FNDC3B: variants seen among roughly 807,000 people sequenced by gnomAD.
FNDC3B encodes fibronectin type III domain-containing protein 3B.
FNDC3B carries 12 observed loss-of-function variants against 151.5 expected under a neutral mutation model. The observed-to-expected ratio is 0.08, with a 90% CI of 0.05 to 0.13. The LOEUF is 0.13. Among genes scored for constraint, FNDC3B ranks in the 10% least tolerant of loss-of-function variants. The probability of loss-of-function intolerance (pLI) is 1.00; values close to 1 mark genes in which losing one functional copy is unlikely to be tolerated. For missense variants in FNDC3B, 1,214 were observed against 1,505.3 expected, an observed-to-expected ratio of 0.81 and a Z score of 3.20; for synonymous variants, 528 against 549.0, an observed-to-expected ratio of 0.96 and a Z score of 0.54.
At chr3:172,376,327 G>C (rs974360256) in intron 23 of FNDC3B, among the ~76,000 whole-genome samples, 11 of 152,200 alleles carry the variant, frequency 7.2e-5, no homozygotes, top group Non-Finnish European at 1.3e-4. Flanking sequence ...AATTGGGTCT[G>C]GGTCCAAATA....
At chr3:172,371,730 G>A (rs550377808) in intron 23 of FNDC3B, among the ~76,000 whole-genome samples, 47 of 152,322 alleles carry the variant, frequency 3.1e-4, no homozygotes, top group African/African-American at 1.1e-3. Context: ...GGTGTTTGCA[G>A]CAACAGTTCT....
At chr3:172,336,218 T>A (rs1358422002) in intron 15 of FNDC3B, among the ~76,000 whole-genome samples, 1 of 152,230 alleles carries the variant, frequency 6.6e-6, no homozygotes, top group African/African-American at 2.4e-5. Flanking sequence ...TAAGATTTTT[T>A]AGAAAAATCT....
chr3:172,187,389 G>C (rs529146980), intron 3 of FNDC3B: 1 of 152,320 alleles, frequency 6.6e-6, no homozygotes, highest in East Asian at 1.9e-4. Context: ...CTTCTTGCCA[G>C]TAGGGGTGTC....
chr3:172,093,260 A>AT (rs750469529), intron 1 of FNDC3B, among the ~76,000 whole-genome samples: 2,282 of 138,482 alleles, frequency 0.016, 22 homozygotes, highest in Non-Finnish European at 0.025. Context: ...CACCCAGCTA[A>AT]TTTTTTTTTT....
intron 25 of FNDC3B, 143 bp downstream of exon 25, chr3:172,381,236 C>A: frequency 1.2e-6 from 1 of 864,332 alleles, no homozygotes; most frequent in Non-Finnish European, 1.7e-6. Flanking sequence ...TTGTATAATT[C>A]TTCAGAGTGG....
chr3:172,113,041 C>T (rs983756023), intron 2 of FNDC3B, among the ~76,000 whole-genome samples: 2 of 152,272 alleles, frequency 1.3e-5, no homozygotes, highest in Middle Eastern at 3.4e-3. Context: ...CTCATAAAAT[C>T]ACGGTACTTA....
At chr3:172,094,342 C>T (rs1269528684) in intron 1 of FNDC3B, among the ~76,000 whole-genome samples, 1 of 152,228 alleles carries the variant, frequency 6.6e-6, no homozygotes, top group Non-Finnish European at 1.5e-5. Flanking sequence ...CAAGCAACCA[C>T]CAGTCTACTT....
rs188487456 is a variant in FNDC3B, at chr3:172,228,767, G to A, written c.264+1820G>A. Among the ~76,000 whole-genome samples the A allele has an allele frequency of 1.3e-3, 198 of 152,282 alleles. 1 individual carries two copies. Among genetic ancestry groups the A allele is most frequent in the African/African-American group, 4.5e-3 (189 of 41,550 alleles). On this transcript the variant is annotated intron_variant, in intron 4 of 25. Transcript: ENST00000415807. ...AAAAAGGGAAAGAAGCAGTCTGTAA[G>A]GCATGTGAATGACTAACTTCATTTC...
At chr3:172,289,765 A>G (rs1027026721) in intron 7 of FNDC3B, among the ~76,000 whole-genome samples, 7 of 152,192 alleles carry the variant, frequency 4.6e-5, no homozygotes, top group Non-Finnish European at 2.9e-5. Context: ...TGCCTCCGCC[A>G]GCGTGTAAGG....
intron 23 of FNDC3B, 87 bp from the exon 24 acceptor site, chr3:172,378,183 T>G (rs1735251315): frequency 4.7e-6 from 6 of 1,264,882 alleles, no homozygotes. Context: ...CAGGTTGGCC[T>G]AATCTGCTCC....
intron 7 of FNDC3B, among the ~76,000 whole-genome samples, chr3:172,291,865 A>C (rs2108835748): frequency 6.6e-6 from 1 of 152,320 alleles, no homozygotes; most frequent in South Asian, 2.1e-4. Context: ...CAGCACAGGC[A>C]GACTTGCAAT....
In FNDC3B at chr3:172,344,269, G is replaced by A. The variant is rs1262603076; in HGVS notation, c.2250+11G>A. On this transcript the variant is annotated intron_variant, in intron 19 of 25. Coordinates refer to ENST00000415807, the MANE Select transcript of FNDC3B (RefSeq NM_022763.4). ...CTGAATGATGGAGGGGTGAGTATAAGCCCATACACCATAACCAGAATCAGA... is the reference window on the plus strand; with the variant it reads ...CTGAATGATGGAGGGGTGAGTATAAACCCATACACCATAACCAGAATCAGA... 2 of 1,602,604 alleles carry A rather than the reference G, an allele frequency of 1.2e-6. No homozygotes were observed. Among genetic ancestry groups the A allele is most frequent in the Non-Finnish European group, 1.7e-6 (2 of 1,173,728 alleles).
At chr3:172,221,883 G>A (rs1183668895) in intron 3 of FNDC3B, among the ~76,000 whole-genome samples, 1 of 152,132 alleles carries the variant, frequency 6.6e-6, no homozygotes, top group African/African-American at 2.4e-5. Flanking sequence ...TAGACCATTT[G>A]TTCTGATAAT....
chr3:172,057,174 ATGT>A (rs1023486478), intron 1 of FNDC3B, among the ~76,000 whole-genome samples: 8 of 151,826 alleles, frequency 5.3e-5, no homozygotes, highest in Non-Finnish European at 1.0e-4. Context: ...CTTTTTGTGG[ATGT>A]TGTTCTGTTT....
intron 23 of FNDC3B, among the ~76,000 whole-genome samples, chr3:172,375,375 G>A (rs1735080450): frequency 6.6e-6 from 1 of 152,176 alleles, no homozygotes; most frequent in Non-Finnish European, 1.5e-5. Flanking sequence ...GACACTTGAT[G>A]CTTTCCTGCC....
At chr3:172,283,513 C>T (rs1277757176) in intron 6 of FNDC3B, among the ~76,000 whole-genome samples, 1 of 152,120 alleles carries the variant, frequency 6.6e-6, no homozygotes, top group African/African-American at 2.4e-5. Flanking sequence ...TTTATTACTC[C>T]AAGGATAGGG....
At chr3:172,107,226 G>A (rs1003515562) in intron 1 of FNDC3B, among the ~76,000 whole-genome samples, 22 of 152,172 alleles carry the variant, frequency 1.4e-4, no homozygotes, top group African/African-American at 5.3e-4. Flanking sequence ...GGTTGCGAGG[G>A]CCTGTGGTTG....
At chr3:172,150,909 T>C (rs998991550) in intron 3 of FNDC3B, among the ~76,000 whole-genome samples, 1 of 152,010 alleles carries the variant, frequency 6.6e-6, no homozygotes, top group African/African-American at 2.4e-5. Flanking sequence ...ATTTTTCTCA[T>C]CTAGGTATTT....
intron 3 of FNDC3B, among the ~76,000 whole-genome samples, chr3:172,191,527 C>T (rs1043858638): frequency 2.0e-5 from 3 of 152,072 alleles, no homozygotes; most frequent in African/African-American, 7.2e-5. Context: ...GATGAGGTCT[C>T]ACTCTGTCAC....
Sources: allele counts gnomAD v4.1 joint callset (sites outside exome capture counted in the v4.1 genomes callset), GRCh38; gene constraint gnomAD v4.1.1; transcripts MANE v1.5; gene names NCBI Gene and HGNC (gene_info 2026-07-23, HGNC 2026-07-21).